Variants in ADGRA3 observed in about 807,000 individuals in gnomAD.
ADGRA3 encodes the protein adhesion G protein-coupled receptor A3.
A neutral mutation model predicts 119.8 loss-of-function variants in ADGRA3; 56 were observed. The observed-to-expected ratio is 0.47, with a 90% CI of 0.38 to 0.58. The LOEUF (loss-of-function observed/expected upper bound fraction) is 0.58, where lower values mean the gene tolerates loss of function less well. ADGRA3 is among the 20% of genes least tolerant of loss of function. ADGRA3 has a pLI of 0.00. For synonymous variants in ADGRA3, 607 were observed against 623.8 expected (o/e 0.97, Z 0.40); for missense variants, 1,516 against 1,649.0 (o/e 0.92, Z 1.40).
At chr4:22,450,146 A>T (rs1025173167) in intron 4 of ADGRA3, among the ~76,000 whole-genome samples, 14 of 152,268 alleles carry the variant, frequency 9.2e-5, no homozygotes, top group African/African-American at 3.4e-4. Context: ...TAAATACATA[A>T]ATAAATAAAA....
At chr4:22,467,782 G>A (rs921429160) in intron 2 of ADGRA3, among the ~76,000 whole-genome samples, 1 of 152,090 alleles carries the variant, frequency 6.6e-6, no homozygotes, top group Non-Finnish European at 1.5e-5. Context: ...CCAACCCACA[G>A]CTTCCCTAGT....
chr4:22,414,630 TTATTCCAGTTTA>T, intron 12 of ADGRA3: 1 of 696,536 alleles, frequency 1.4e-6, no homozygotes, highest in South Asian at 1.5e-5. Flanking sequence ...TCGAATCATG[TTATTCCAGTTTA>T]AATAACACCT....
At chr4:22,414,560 G>C (rs1715356170) in intron 12 of ADGRA3, 3 of 682,306 alleles carry the variant, frequency 4.4e-6, no homozygotes, top group Non-Finnish European at 7.9e-6. Flanking sequence ...TCTTTTTCTT[G>C]GCTTCTAACC....
chr4:22,450,936 GAA>G (rs59216994), intron 4 of ADGRA3, among the ~76,000 whole-genome samples: 6,286 of 125,970 alleles, frequency 0.05, 174 homozygotes, highest in African/African-American at 0.1. Context: ...GGATATAACA[GAA>G]AAAAAAAAAA....
chr4:22,439,876 C>T (rs1361014792), intron 7 of ADGRA3, among the ~76,000 whole-genome samples: 3 of 152,072 alleles, frequency 2.0e-5, no homozygotes, highest in Non-Finnish European at 2.9e-5. Flanking sequence ...AAAAAAATAC[C>T]GATGGTGGTT....
chr4:22,428,405 A>G (rs1716027521), intron 10 of ADGRA3, among the ~76,000 whole-genome samples: 1 of 152,200 alleles, frequency 6.6e-6, no homozygotes, highest in African/African-American at 2.4e-5. Flanking sequence ...ATATAAATTA[A>G]GCAATTCATG....
intron 1 of ADGRA3, among the ~76,000 whole-genome samples, chr4:22,494,005 C>T (rs2109154266): frequency 6.6e-6 from 1 of 152,002 alleles, no homozygotes; most frequent in Middle Eastern, 3.4e-3. Context: ...GGGTTCGAGA[C>T]CAGCCTGACC....
At chr4:22,395,390 C>T (rs1714308662) in intron 16 of ADGRA3, among the ~76,000 whole-genome samples, 1 of 152,082 alleles carries the variant, frequency 6.6e-6, no homozygotes. Flanking sequence ...AATATGTAAA[C>T]AATTAAAATA....
rs1719651515 is a variant in ADGRA3, at chr4:22,515,871, G to A, written c.-87C>T. 7 of 907,476 alleles carry A rather than the reference G, an allele frequency of 7.7e-6. No individual in the cohort carries two copies. The highest frequency in any genetic ancestry group is 9.2e-6 in the Non-Finnish European group (7 of 760,516). 56.2% of individuals were successfully genotyped at this position (907,476 alleles called of 1,614,324 possible). On this transcript the variant is annotated 5_prime_UTR_variant, in exon 1 of 19. Coordinates refer to ENST00000334304, the MANE Select transcript of ADGRA3 (RefSeq NM_145290.4). ...CCCGGGCGGGCAGGAGCGCGGCGCG[G>A]GCCCAGCGGCGACCGGAGCCTTATG...
Position 22,402,733 on chromosome 4 carries a change from C to A in ADGRA3, c.2299G>T (p.Ala767Ser). ...SLLHPVVYTT[A>S]IILLLCLLAV... Reference sequence around the variant, plus strand: ...AAGAGACATAAGAGGAGAATGATAGCGGTAGTATAAACCACAGGATGCAGG... The same window carrying A: ...AAGAGACATAAGAGGAGAATGATAGAGGTAGTATAAACCACAGGATGCAGG... Residue 767 changes from alanine (A) to serine (S), a missense_variant, in exon 15 of 19, where the codon GCT becomes TCT. By Grantham distance (99) the Ala-to-Ser change is moderately conservative. This residue lies in a region of ADGRA3 where 1,088 missense variants were observed against 1,107.1 expected (regional missense o/e 0.98). Transcript: ENST00000334304. 6.2e-7 allele frequency: 1 copy of A among 1,613,640 alleles called. No individual in the cohort carries two copies. Among genetic ancestry groups the A allele is most frequent in the Non-Finnish European group, 8.5e-7 (1 of 1,179,682 alleles).
intron 7 of ADGRA3, among the ~76,000 whole-genome samples, chr4:22,441,935 C>G (rs1716631275): frequency 6.6e-6 from 1 of 152,116 alleles, no homozygotes; most frequent in South Asian, 2.1e-4. Flanking sequence ...TTTCAGTAAT[C>G]TTTCATAGCA....
chr4:22,508,138 T>C (rs1416557746), intron 1 of ADGRA3, among the ~76,000 whole-genome samples: 1 of 152,190 alleles, frequency 6.6e-6, no homozygotes, highest in Non-Finnish European at 1.5e-5. Context: ...GGTATATGCA[T>C]TCTGAGAGAA....
intron 1 of ADGRA3, among the ~76,000 whole-genome samples, chr4:22,512,186 C>T (rs983930867): frequency 6.6e-6 from 1 of 152,074 alleles, no homozygotes; most frequent in Non-Finnish European, 1.5e-5. Context: ...CAGGTGTGAG[C>T]CACTGCGCCC....
intron 3 of ADGRA3, among the ~76,000 whole-genome samples, chr4:22,457,236 T>C (rs1010839341): frequency 6.6e-6 from 1 of 152,234 alleles, no homozygotes; most frequent in African/African-American, 2.4e-5. Context: ...TGATAGTATA[T>C]TCTTCAGAAA....
intron 1 of ADGRA3, among the ~76,000 whole-genome samples, chr4:22,488,969 A>C (rs894558844): frequency 2.6e-5 from 4 of 152,152 alleles, no homozygotes; most frequent in Non-Finnish European, 5.9e-5. Flanking sequence ...GAAATTGGGG[A>C]GATATTATTT....
chr4:22,396,126 C>T (rs1322839644), intron 16 of ADGRA3, among the ~76,000 whole-genome samples: 1 of 152,138 alleles, frequency 6.6e-6, no homozygotes, highest in African/African-American at 2.4e-5. Context: ...GAACACAGAT[C>T]CCTTCCAGAC....
At chr4:22,432,451 C>A (rs1716222334) in intron 10 of ADGRA3, among the ~76,000 whole-genome samples, 2 of 152,038 alleles carry the variant, frequency 1.3e-5, no homozygotes, top group Non-Finnish European at 2.9e-5. Context: ...ACAAAATAAT[C>A]ATAATTGTCA....
intron 1 of ADGRA3, among the ~76,000 whole-genome samples, chr4:22,494,840 C>T (rs1046606671): frequency 1.3e-5 from 2 of 151,798 alleles, no homozygotes; most frequent in African/African-American, 4.9e-5. Flanking sequence ...ACAAAGAGAA[C>T]CAACTTATTT....
intron 1 of ADGRA3, among the ~76,000 whole-genome samples, chr4:22,498,914 AAAAAAAAAC>A (rs934360528): frequency 5.6e-4 from 16 of 28,380 alleles, no homozygotes; most frequent in East Asian, 0.013. Flanking sequence ...ACTCGTCTCA[AAAAAAAAAC>A]AAAAAAAACA....
Sources: allele counts gnomAD v4.1 joint callset (sites outside exome capture counted in the v4.1 genomes callset), GRCh38; gene constraint gnomAD v4.1.1; regional missense constraint gnomAD v4.1.1; transcripts MANE v1.5; gene names NCBI Gene and HGNC (gene_info 2026-07-23, HGNC 2026-07-21).